The following PPP1R16B variants were observed in gnomAD, a reference collection of about 807,000 sequenced individuals.
The protein encoded by PPP1R16B is protein phosphatase 1 regulatory inhibitor subunit 16B.
A neutral mutation model predicts 61.7 loss-of-function variants in PPP1R16B; 14 were observed. The ratio of observed to expected loss-of-function variants is 0.23; its 90% CI spans 0.15 to 0.35. PPP1R16B has a LOEUF of 0.35. PPP1R16B is among the 10% of genes least tolerant of loss of function. The pLI is 1.00. For missense variants in PPP1R16B, 547 were observed against 752.5 expected (o/e 0.73, Z 3.19); for synonymous variants, 266 against 305.3 (o/e 0.87, Z 1.34).
rs928470796 is a variant in PPP1R16B, at chr20:38,837,502, A to G, written c.250+1327A>G. ...AATAAATATAAACAAACATGTATACACATTCATACAATCTATGTTTCCAGA... is the reference window on the plus strand; with the variant it reads ...AATAAATATAAACAAACATGTATACGCATTCATACAATCTATGTTTCCAGA... On this transcript the variant is annotated intron_variant, in intron 2 of 10. Coordinates refer to ENST00000299824, the MANE Select transcript of PPP1R16B (RefSeq NM_015568.4). Among the ~76,000 whole-genome samples, 27 of 151,810 alleles carry G rather than the reference A, an allele frequency of 1.8e-4. 1 individual carries two copies.
chr20:38,907,081 C>T lies in PPP1R16B; in HGVS notation c.898+27C>T. The T allele has an allele frequency of 6.5e-7, 1 of 1,549,368 alleles. No homozygotes were observed. The highest frequency in any genetic ancestry group is 8.9e-7 in the Non-Finnish European group (1 of 1,121,226). On this transcript the variant is annotated intron_variant, in intron 8 of 10. Transcript: ENST00000299824. This position sits in a 1 kb window ranked among gnomAD's most constrained non-coding sequence, Gnocchi z 4.5. ...TAAGTCCAGCACAATAGCTGGTGTG[C>T]ACAAATAGGCAGTTATCAATGTTTT... is the stretch of plus-strand genomic sequence containing the variant.
At position 38,889,618 on chromosome 20, in the gene PPP1R16B, G is replaced by T; in HGVS notation, c.274G>T (p.Val92Phe). The T allele has an allele frequency of 6.3e-7, 1 of 1,597,208 alleles. No homozygotes were observed. The highest frequency in any genetic ancestry group is 1.3e-5 in the African/African-American group (1 of 74,658). The change falls in exon 3 of 11, where the codon GTC becomes TTC. Residue 92 changes from valine to phenylalanine, a missense_variant. Physicochemically the swap from Val to Phe is conservative, Grantham distance 50 (BLOSUM62 -1). Coordinates refer to ENST00000299824, the MANE Select transcript of PPP1R16B (RefSeq NM_015568.4). ...EEVRYFLKNK[V>F]SPDLCNEDGL... is the part of the protein sequence containing the mutation. ...AGTACGCTACTTCCTGAAGAATAAG[G>T]TCAGCCCTGATTTGTGCAATGAGGA... is the stretch of plus-strand genomic sequence containing the variant.
chr20:38,882,377 GTTGTTC>G (rs539371135), intron 2 of PPP1R16B, among the ~76,000 whole-genome samples: 1 of 152,028 alleles, frequency 6.6e-6, no homozygotes, highest in Admixed American at 6.6e-5. Flanking sequence ...TGTTGTTGTT[GTTGTTC>G]TTGTTCTTGT....
chr20:38,837,749 T>C (rs1447197632), intron 2 of PPP1R16B, among the ~76,000 whole-genome samples: 2 of 152,110 alleles, frequency 1.3e-5, no homozygotes, highest in African/African-American at 4.8e-5. Flanking sequence ...GATTTCGCCA[T>C]GTTGGCCAAC....
In PPP1R16B at chr20:38,842,404, T is replaced by C. The variant is rs2084914022; in HGVS notation, c.250+6229T>C. Among the ~76,000 whole-genome samples the C allele has an allele frequency of 2.0e-5, 3 of 152,220 alleles. No individual in the cohort carries two copies. The South Asian group carries it at 6.2e-4, about 32-fold the overall frequency. On this transcript the variant is annotated intron_variant, in intron 2 of 10. Transcript: ENST00000299824. The stretch of plus-strand genomic sequence containing the variant: ...CTCCCTTGAAACCATTGAATGTATG[T>C]TAAGTTGTTAGAGACTTCTGTTTTT...
chr20:38,833,058 T>G (rs1176296851), intron 1 of PPP1R16B, among the ~76,000 whole-genome samples: 1 of 152,220 alleles, frequency 6.6e-6, no homozygotes, highest in Non-Finnish European at 1.5e-5. Context: ...GATGCAGATG[T>G]TCCTCAATAG....
In PPP1R16B at chr20:38,922,572, G is replaced by C. The variant is rs1405792946; in HGVS notation, c.*3906G>C. 4 of 152,608 alleles carry C rather than the reference G, an allele frequency of 2.6e-5. No individual in the cohort carries two copies. Among genetic ancestry groups the C allele is most frequent in the Non-Finnish European group, 5.9e-5 (4 of 68,050 alleles). 9.5% of individuals were successfully genotyped at this position (152,608 alleles called of 1,614,324 possible). On this transcript the variant is annotated 3_prime_UTR_variant, in exon 11 of 11. Transcript: ENST00000299824. ...ACAGGTCTCTCTTGTTGGCCAGAGG[G>C]CCTGCTTCCCATGGGCATTGCAAGT... is the stretch of plus-strand genomic sequence containing the variant.
intron 1 of PPP1R16B, among the ~76,000 whole-genome samples, chr20:38,822,444 G>C (rs748991858): frequency 1.7e-4 from 26 of 150,834 alleles, no homozygotes; most frequent in Non-Finnish European, 3.4e-4. Context: ...TTTCCTTCAG[G>C]TGTTGCCTCC....
At position 38,806,768 on chromosome 20, in the gene PPP1R16B, C is replaced by CA. The variant is rs1292635294; in HGVS notation, c.-102+977dup. Among the ~76,000 whole-genome samples, 4 of 152,142 alleles carry CA rather than the reference C, an allele frequency of 2.6e-5. No individual in the cohort carries two copies. Among genetic ancestry groups the CA allele is most frequent in the Admixed American group, 6.5e-5 (1 of 15,288 alleles). The stretch of plus-strand genomic sequence containing the variant: ...CTGGAGATGCTGATGATGCAGCTCC[C>CA]AGCCCTTGGAGGATAATTGAGCCTG... On this transcript the variant is annotated intron_variant, in intron 1 of 10. Coordinates refer to ENST00000299824, the MANE Select transcript of PPP1R16B (RefSeq NM_015568.4). The surrounding 1 kb of genome is among the most constrained non-coding windows in gnomAD (Gnocchi z 4.5).
At position 38,896,153 on chromosome 20, in the gene PPP1R16B, T is replaced by TC. The variant is rs200109155; in HGVS notation, c.467+445dup. Among the ~76,000 whole-genome samples, 10 of 83,438 alleles carry TC rather than the reference T, an allele frequency of 1.2e-4. 1 individual carries two copies. Among genetic ancestry groups the TC allele is most frequent in the African/African-American group, 2.8e-4 (5 of 17,914 alleles). The allele number at this position is 83,438 out of a possible 152,430, so 54.7% of individuals were successfully genotyped here. On this transcript the variant is annotated intron_variant, in intron 4 of 10. Coordinates refer to ENST00000299824, the MANE Select transcript of PPP1R16B (RefSeq NM_015568.4). ...CTTCCTCCCTCCTTTCCTTCTTTCT[T>TC]CCTCCCTCCCTTCCTTCCTTCTTTC...
intron 1 of PPP1R16B, among the ~76,000 whole-genome samples, chr20:38,820,187 A>G (rs1601234320): frequency 6.6e-6 from 1 of 152,152 alleles, no homozygotes; most frequent in East Asian, 1.9e-4. Flanking sequence ...TTCTGGGGGC[A>G]TTTTGGGTTG....
chr20:38,892,339 C>T (rs1459078934), intron 3 of PPP1R16B, among the ~76,000 whole-genome samples: 6 of 152,082 alleles, frequency 3.9e-5, no homozygotes, highest in East Asian at 1.9e-4. Flanking sequence ...CCTGGGGATG[C>T]GTGGTCAGGG....
At position 38,907,950 on chromosome 20, in the gene PPP1R16B, G is replaced by T; in HGVS notation, c.1028+15G>T. 1 of 1,614,122 alleles carries T rather than the reference G, an allele frequency of 6.2e-7. No individual in the cohort carries two copies. The highest frequency in any genetic ancestry group is 1.1e-5 in the South Asian group (1 of 91,066). On this transcript the variant is annotated intron_variant, in intron 9 of 10. Coordinates refer to ENST00000299824, the MANE Select transcript of PPP1R16B (RefSeq NM_015568.4). The surrounding 1 kb of genome is among the most constrained non-coding windows in gnomAD (Gnocchi z 4.5). ...GGCAGCCGTGGGTGAGTCCGGGGCAGGGCAGCCAGGAGTCCCTGTGTGTGC... is the reference window on the plus strand; with the variant it reads ...GGCAGCCGTGGGTGAGTCCGGGGCATGGCAGCCAGGAGTCCCTGTGTGTGC...
At chr20:38,817,356 A>G (rs1209181827) in intron 1 of PPP1R16B, among the ~76,000 whole-genome samples, 1 of 152,072 alleles carries the variant, frequency 6.6e-6, no homozygotes, top group East Asian at 1.9e-4. Flanking sequence ...TTAGGTCAGG[A>G]GTTCAAGACC....
chr20:38,904,075 T>C (rs1413183871), intron 6 of PPP1R16B, among the ~76,000 whole-genome samples: 1 of 150,702 alleles, frequency 6.6e-6, no homozygotes, highest in Non-Finnish European at 1.5e-5. Context: ...TTCTCCCACC[T>C]GCTTCCTGAG....
chr20:38,897,009 G>A (rs200711821), intron 4 of PPP1R16B, among the ~76,000 whole-genome samples: 1 of 152,228 alleles, frequency 6.6e-6, no homozygotes, highest in Non-Finnish European at 1.5e-5. Flanking sequence ...AGCCGGGCAT[G>A]GTGGTGCATG....
intron 2 of PPP1R16B, among the ~76,000 whole-genome samples, chr20:38,865,891 C>T (rs150395708): frequency 0.012 from 1,776 of 152,082 alleles, 94 homozygotes; most frequent in Admixed American, 0.092. Flanking sequence ...TTTGAGAGGC[C>T]GAGTTGGGCG....
chr20:38,807,246 T>C (rs961966827), intron 1 of PPP1R16B, among the ~76,000 whole-genome samples: 2 of 152,200 alleles, frequency 1.3e-5, no homozygotes, highest in African/African-American at 4.8e-5. Flanking sequence ...ATAAAGCTTC[T>C]TAGCCCAGCC....
chr20:38,867,618 C>G (rs2085098868), intron 2 of PPP1R16B, among the ~76,000 whole-genome samples: 1 of 152,160 alleles, frequency 6.6e-6, no homozygotes, highest in East Asian at 1.9e-4. Flanking sequence ...GTTAGTTGTC[C>G]AAAATGTGTT....
Sources: gnomAD v4.1 joint callset for allele counts (sites outside exome capture counted in the v4.1 genomes callset) on GRCh38, gnomAD v4.1.1 for gene constraint, Gnocchi (gnomAD v3.1) non-coding constraint, MANE v1.5 for transcripts, NCBI Gene and HGNC (gene_info 2026-07-23, HGNC 2026-07-21) for gene names.